Variants in HSD17B7 observed in about 807,000 individuals in gnomAD.
HSD17B7 encodes 3-keto-steroid reductase/17-beta-hydroxysteroid dehydrogenase 7.
A neutral mutation model predicts 34.1 loss-of-function variants in HSD17B7; 17 were observed. The ratio of observed to expected loss-of-function variants is 0.50; its 90% CI spans 0.34 to 0.75. HSD17B7 has a LOEUF of 0.75. HSD17B7 is among the 30% of genes least tolerant of loss of function. HSD17B7 has a pLI of 0.01. For missense variants in HSD17B7, 296 were observed against 406.6 expected, an observed-to-expected ratio of 0.73 and a Z score of 2.34; for synonymous variants, 122 against 154.6, an observed-to-expected ratio of 0.79 and a Z score of 1.56.
chr1:162,792,790 A>G lies in HSD17B7; in HGVS notation c.167A>G (p.Glu56Gly). The part of the protein sequence containing the change: ...AALLASHPTA[E>G]VTIVQVDVSN... ...CTGCTGGCCTCTCACCCCACTGCTG[A>G]GGTCACCATTGTCCAGGTGGATGTC... The change falls in exon 2 of 9, where the codon GAG becomes GGG. Residue 56 changes from glutamate to glycine, a missense_variant. Coordinates refer to ENST00000254521, the MANE Select transcript of HSD17B7 (RefSeq NM_016371.4). 2 of 1,614,182 alleles carry G rather than the reference A, an allele frequency of 1.2e-6. No individual in the cohort carries two copies. The highest frequency in any genetic ancestry group is 4.5e-5 in the East Asian group (2 of 44,866).
chr1:162,798,766 C>T (rs541940717), intron 4 of HSD17B7: 134 of 158,938 alleles, frequency 8.4e-4, no homozygotes, highest in Non-Finnish European at 1.6e-3. Flanking sequence ...GAGGCCAAGG[C>T]GGGCAGATTA....
At chr1:162,810,049 C>G (rs1258869748) in intron 8 of HSD17B7, among the ~76,000 whole-genome samples, 1 of 152,120 alleles carries the variant, frequency 6.6e-6, no homozygotes, top group East Asian at 1.9e-4. Flanking sequence ...GTTAGGGTGT[C>G]AATTTTAGAT....
At chr1:162,798,057 G>A in intron 4 of HSD17B7, 141 bp downstream of exon 4, 1 of 1,361,800 alleles carries the variant, frequency 7.3e-7, no homozygotes, top group Non-Finnish European at 9.6e-7. Flanking sequence ...CATTTGCCTT[G>A]TTTATTGTGA....
chr1:162,791,653 AC>A (rs1278739685), intron 1 of HSD17B7, among the ~76,000 whole-genome samples: 1 of 148,860 alleles, frequency 6.7e-6, no homozygotes, highest in African/African-American at 2.5e-5. Context: ...TTTTTAGCAT[AC>A]CCTCTCAAGT....
At chr1:162,791,592 A>G (rs1648408094) in intron 1 of HSD17B7, among the ~76,000 whole-genome samples, 1 of 113,842 alleles carries the variant, frequency 8.8e-6, no homozygotes, top group Non-Finnish European at 1.8e-5. Flanking sequence ...CAATTATTTA[A>G]CCACATGCGT....
Position 162,803,328 on chromosome 1 carries a change from A to C in HSD17B7, c.643-103A>C, listed in dbSNP as rs1212565885. The stretch of plus-strand genomic sequence containing the variant: ...CAGAACATAAATTCTTTATTACCTG[A>C]CTTCTGGCTCATGTACATACCTCTT... On this transcript the variant is annotated intron_variant, in intron 5 of 8. Transcript: ENST00000254521. The C allele has an allele frequency of 2.6e-5, 30 of 1,159,778 alleles. No homozygotes were observed. The African/African-American group carries it at 3.2e-4, about 13-fold the overall frequency. The allele number at this position is 1,159,778 out of a possible 1,614,324, so 71.8% of individuals were successfully genotyped here. A position where few individuals can be genotyped will look rare whatever the true frequency, so the allele number is the denominator to read the frequency against.
rs577874939 is a variant in HSD17B7 at position 162,792,678 on chromosome 1, T to G, written c.55T>G (p.Cys19Gly). ...GASSGIGLAL[C>G]KRLLAEDDEL... is the part of the protein sequence containing the mutation. Reference sequence around the variant, plus strand: ...TCCCAGTGGCATTGGCCTGGCCCTCTGCAAGCGGCTGCTGGCGGAAGATGA... The same window carrying G: ...TCCCAGTGGCATTGGCCTGGCCCTCGGCAAGCGGCTGCTGGCGGAAGATGA... The change falls in exon 2 of 9, where the codon TGC becomes GGC. Residue 19 changes from cysteine (C) to glycine (G), a missense_variant. Coordinates refer to ENST00000254521, the MANE Select transcript of HSD17B7 (RefSeq NM_016371.4). 3.3e-5 allele frequency: 54 copies of G among 1,613,334 alleles called. No homozygotes were observed. The South Asian group carries it at 5.3e-4, about 16-fold the overall frequency.
At chr1:162,807,534 T>C (rs1450342398) in intron 8 of HSD17B7, among the ~76,000 whole-genome samples, 4 of 152,194 alleles carry the variant, frequency 2.6e-5, no homozygotes, top group East Asian at 1.9e-4. Context: ...TTCTAGATCC[T>C]TGAGGAATCG....
intron 6 of HSD17B7, among the ~76,000 whole-genome samples, chr1:162,803,762 A>T (rs945978459): frequency 1.3e-5 from 2 of 152,210 alleles, no homozygotes; most frequent in African/African-American, 4.8e-5. Flanking sequence ...TTCATTGCTC[A>T]TGCACCACAG....
chr1:162,809,372 A>G (rs1571011087), intron 8 of HSD17B7, among the ~76,000 whole-genome samples: 1 of 152,180 alleles, frequency 6.6e-6, no homozygotes, highest in African/African-American at 2.4e-5. Flanking sequence ...TCGGTTTGCC[A>G]GTATTTTATT....
chr1:162,803,568 A>T, intron 6 of HSD17B7, 33 bp downstream of exon 6: 1 of 1,605,168 alleles, frequency 6.2e-7, no homozygotes, highest in Non-Finnish European at 8.5e-7. Context: ...TTCTTAACTC[A>T]TAAAAATCTC....
intron 8 of HSD17B7, among the ~76,000 whole-genome samples, chr1:162,806,711 A>G (rs890755851): frequency 4.6e-5 from 7 of 152,210 alleles, no homozygotes; most frequent in African/African-American, 1.2e-4. Context: ...AGCAGGGTGT[A>G]TTTGAACTTA....
At chr1:162,799,520 C>T (rs1648734680) in intron 4 of HSD17B7, 3 of 405,168 alleles carry the variant, frequency 7.4e-6, no homozygotes, top group Admixed American at 3.8e-5. Flanking sequence ...TCTTCTAAAC[C>T]CTCTCTGCTG....
chr1:162,802,353 ACTTTTC>A (rs1298354806), intron 5 of HSD17B7, among the ~76,000 whole-genome samples: 1 of 152,212 alleles, frequency 6.6e-6, no homozygotes. Flanking sequence ...TAGAATAAGA[ACTTTTC>A]CTTAGCTGTT....
chr1:162,804,764 G>T (rs1309447051), intron 7 of HSD17B7, among the ~76,000 whole-genome samples: 2 of 152,218 alleles, frequency 1.3e-5, no homozygotes, highest in African/African-American at 2.4e-5. Context: ...AGAAGATCAA[G>T]TTGTTATTTT....
At chr1:162,807,308 C>A (rs1312276739) in intron 8 of HSD17B7, among the ~76,000 whole-genome samples, 2 of 152,118 alleles carry the variant, frequency 1.3e-5, no homozygotes, top group African/African-American at 4.8e-5. Flanking sequence ...TGAACTCATC[C>A]TTTTTTATGG....
intron 8 of HSD17B7, among the ~76,000 whole-genome samples, chr1:162,810,575 A>G (rs562939813): frequency 7.2e-5 from 11 of 152,180 alleles, no homozygotes; most frequent in Admixed American, 1.3e-4. Context: ...TTATTATTGT[A>G]TGGGAGTCTA....
At chr1:162,794,488 G>C (rs1648533655) in intron 2 of HSD17B7, among the ~76,000 whole-genome samples, 1 of 152,040 alleles carries the variant, frequency 6.6e-6, no homozygotes, top group South Asian at 2.1e-4. Context: ...CAAAAAACCT[G>C]AGATTTTCTA....
intron 1 of HSD17B7, among the ~76,000 whole-genome samples, chr1:162,792,255 A>C (rs1414260615): frequency 3.3e-5 from 5 of 152,342 alleles, no homozygotes; most frequent in Non-Finnish European, 7.3e-5. Flanking sequence ...CCTAGACAGC[A>C]AAGTCAAAAT....
Sources: allele counts gnomAD v4.1 joint callset (sites outside exome capture counted in the v4.1 genomes callset), GRCh38; gene constraint gnomAD v4.1.1; transcripts MANE v1.5; gene names NCBI Gene and HGNC (gene_info 2026-07-23, HGNC 2026-07-21).